CDKAL1: variants seen among roughly 807,000 people sequenced by gnomAD.
CDKAL1 encodes the protein threonylcarbamoyladenosine tRNA methylthiotransferase.
CDKAL1 carries 32 observed loss-of-function variants against 68.2 expected under a neutral mutation model. The observed-to-expected ratio is 0.47, with a 90% confidence interval of 0.35 to 0.63. The LOEUF (loss-of-function observed/expected upper bound fraction) is 0.63, where lower values mean the gene tolerates loss of function less well. CDKAL1 is among the 30% of genes least tolerant of loss of function. The pLI is 0.00. For missense variants in CDKAL1, 606 were observed against 696.7 expected (o/e 0.87, Z 1.47); for synonymous variants, 234 against 244.3 (o/e 0.96, Z 0.39).
chr6:21,029,840 C>T (rs773757992), intron 11 of CDKAL1, among the ~76,000 whole-genome samples: 2 of 152,058 alleles, frequency 1.3e-5, no homozygotes, highest in East Asian at 1.9e-4. Flanking sequence ...TAGATGCTGG[C>T]GATGCTGTGG....
At chr6:20,878,390 G>A (rs773633480) in intron 9 of CDKAL1, among the ~76,000 whole-genome samples, 17 of 152,208 alleles carry the variant, frequency 1.1e-4, no homozygotes, top group South Asian at 4.2e-4. Context: ...TTTCCTACAT[G>A]CGGTATTATT....
chr6:20,987,735 C>G (rs936249046), intron 10 of CDKAL1, among the ~76,000 whole-genome samples: 12 of 152,078 alleles, frequency 7.9e-5, no homozygotes, highest in African/African-American at 2.9e-4. Context: ...AGATTGGGTT[C>G]TAAATCCAGT....
intron 13 of CDKAL1, among the ~76,000 whole-genome samples, chr6:21,191,960 G>GT (rs1186837756): frequency 1.0e-5 from 1 of 98,736 alleles, no homozygotes; most frequent in Non-Finnish European, 2.0e-5. Flanking sequence ...GCAAGGGATA[G>GT]TTTTACAGGA....
chr6:20,771,186 C>T (rs891686512), intron 7 of CDKAL1, among the ~76,000 whole-genome samples: 3 of 152,186 alleles, frequency 2.0e-5, no homozygotes, highest in African/African-American at 7.2e-5. Context: ...TATGCATGTA[C>T]ATTAATACAG....
intron 13 of CDKAL1, among the ~76,000 whole-genome samples, chr6:21,122,620 T>TTTTTTTTA (rs1774781060): frequency 6.7e-6 from 1 of 148,942 alleles, no homozygotes; most frequent in Non-Finnish European, 1.5e-5. Context: ...TGTTACTGTA[T>TTTTTTTTA]TTTATTTATT....
At chr6:20,621,772 G>GTT (rs149139013) in intron 4 of CDKAL1, among the ~76,000 whole-genome samples, 42,206 of 145,072 alleles carry the variant, frequency 0.29, 6,181 homozygotes, top group Middle Eastern at 0.35. Context: ...GCATACCTCA[G>GTT]TGTTTTTTTT....
intron 5 of CDKAL1, among the ~76,000 whole-genome samples, chr6:20,651,037 G>T (rs1450172238): frequency 6.6e-6 from 1 of 151,946 alleles, no homozygotes; most frequent in Non-Finnish European, 1.5e-5. Flanking sequence ...GGCTATATGG[G>T]CTCTTTTTTG....
chr6:20,634,836 G>T (rs1767826473), intron 4 of CDKAL1, among the ~76,000 whole-genome samples: 1 of 152,042 alleles, frequency 6.6e-6, no homozygotes, highest in Admixed American at 6.6e-5. Context: ...AATTAGCCAG[G>T]TATGGTGGCT....
chr6:20,694,042 TTGTG>T (rs1231271309), intron 5 of CDKAL1, among the ~76,000 whole-genome samples: 31 of 114,350 alleles, frequency 2.7e-4, no homozygotes, highest in African/African-American at 6.3e-4. Flanking sequence ...CCGGCTAACT[TTGTG>T]TGTGTGTGTG....
At chr6:20,977,408 G>GCC (rs1267685523) in intron 10 of CDKAL1, among the ~76,000 whole-genome samples, 8 of 152,166 alleles carry the variant, frequency 5.3e-5, no homozygotes, top group Non-Finnish European at 8.8e-5. Context: ...CTTAACATCT[G>GCC]AAGACCTTGG....
intron 5 of CDKAL1, among the ~76,000 whole-genome samples, chr6:20,725,566 C>T (rs1045350091): frequency 1.3e-5 from 2 of 152,142 alleles, no homozygotes; most frequent in Non-Finnish European, 2.9e-5. Flanking sequence ...AGGCGGATCA[C>T]CTGAGGTCAG....
At chr6:20,788,803 T>A (rs1011669878) in intron 8 of CDKAL1, among the ~76,000 whole-genome samples, 2 of 152,192 alleles carry the variant, frequency 1.3e-5, no homozygotes, top group African/African-American at 4.8e-5. Context: ...GAATGTGAGG[T>A]TACGACTTTA....
At chr6:20,662,528 G>C (rs1236996165) in intron 5 of CDKAL1, among the ~76,000 whole-genome samples, 2 of 152,108 alleles carry the variant, frequency 1.3e-5, no homozygotes, top group Admixed American at 1.3e-4. Context: ...ACTTTTGTGG[G>C]TGTTAGAGTG....
chr6:20,977,977 CTT>C (rs1003519970), intron 10 of CDKAL1, among the ~76,000 whole-genome samples: 44 of 152,218 alleles, frequency 2.9e-4, no homozygotes, highest in Middle Eastern at 3.4e-3. Flanking sequence ...ATTTCACTGA[CTT>C]AAGAGAAAAT....
intron 13 of CDKAL1, among the ~76,000 whole-genome samples, chr6:21,182,620 A>T (rs1014877560): frequency 6.6e-6 from 1 of 152,206 alleles, no homozygotes; most frequent in African/African-American, 2.4e-5. Flanking sequence ...TGGTATGTTA[A>T]TGAAGGGGTA....
chr6:20,581,004 G>A (rs2127689009), intron 4 of CDKAL1, among the ~76,000 whole-genome samples: 2 of 152,240 alleles, frequency 1.3e-5, no homozygotes, highest in Admixed American at 1.3e-4. Context: ...GGTCAGGCTG[G>A]TTTCGAACTC....
intron 11 of CDKAL1, among the ~76,000 whole-genome samples, chr6:21,027,561 G>A (rs76376935): frequency 0.035 from 5,276 of 152,210 alleles, 273 homozygotes; most frequent in East Asian, 0.21. Flanking sequence ...TAAAGCCCTC[G>A]TGAATGGATT....
chr6:20,686,449 C>G (rs1399935704), intron 5 of CDKAL1, among the ~76,000 whole-genome samples: 4 of 152,152 alleles, frequency 2.6e-5, no homozygotes, highest in Non-Finnish European at 4.4e-5. Flanking sequence ...TGTGAGGTAT[C>G]CAGGTTGCCT....
At position 20,690,513 on chromosome 6, in the gene CDKAL1, G is replaced by A. The variant is rs370851958; in HGVS notation, c.371+41136G>A. Among the ~76,000 whole-genome samples, 25 of 152,276 alleles carry A rather than the reference G, an allele frequency of 1.6e-4. No individual in the cohort carries two copies. The South Asian group carries it at 5.0e-3, about 30-fold the overall frequency. Reference sequence around the variant, plus strand: ...CCTTACTACCGCAGTGTGTGAGAATGAGGGAGACACACCCCTGCCACTTGT... The same window carrying A: ...CCTTACTACCGCAGTGTGTGAGAATAAGGGAGACACACCCCTGCCACTTGT... On this transcript the variant is annotated intron_variant, in intron 5 of 15. Transcript: ENST00000274695.
Sources: gnomAD v4.1 joint callset for allele counts (sites outside exome capture counted in the v4.1 genomes callset) on GRCh38, gnomAD v4.1.1 for gene constraint, MANE v1.5 for transcripts, NCBI Gene and HGNC (gene_info 2026-07-23, HGNC 2026-07-21) for gene names.